Variants in RAD54L2 observed in about 807,000 individuals in gnomAD.
RAD54L2 encodes RAD54 like 2, also known as helicase ARIP4.
In RAD54L2, 27 loss-of-function variants were observed where a neutral mutation model predicts 138.4. The observed-to-expected ratio is 0.20, with a 90% CI of 0.14 to 0.27. RAD54L2 has a LOEUF of 0.27. Ranked by LOEUF, RAD54L2 falls within the 10% of genes least tolerant of loss-of-function variation. The pLI is 1.00. For missense variants in RAD54L2, 1,396 were observed against 1,890.2 expected (o/e 0.74, Z 4.85); for synonymous variants, 644 against 723.2 (o/e 0.89, Z 1.76).
At chr3:51,569,179 T>A (rs1699281201) in intron 2 of RAD54L2, among the ~76,000 whole-genome samples, 1 of 152,184 alleles carries the variant, frequency 6.6e-6, no homozygotes, top group Non-Finnish European at 1.5e-5. Context: ...TGAGAGGTCT[T>A]ATCTCTAGTG....
rs573134892 is a variant in RAD54L2, at chr3:51,579,202, G to A, written c.-54-11165G>A. Among the ~76,000 whole-genome samples the A allele has an allele frequency of 4.8e-4, 70 of 145,868 alleles. No individual in the cohort carries two copies. The Middle Eastern group carries it at 0.011, about 23-fold the overall frequency. On this transcript the variant is annotated intron_variant, in intron 2 of 22. Transcript: ENST00000684192. ...TTTTGAGACAGAGTCTCACGGTGTC[G>A]CCCAGACTGCAGTGCAGCGGTGCAG...
rs1699196581 is a variant in RAD54L2, at chr3:51,565,574, C to G, written c.-55+23924C>G. On this transcript the variant is annotated intron_variant, in intron 2 of 22. Transcript: ENST00000684192. ...TATTGCAGCCTCTGCCTCCCCAGTT[C>G]AAGCATTTCTGCCTCAGCTTCCTGA... 2.0e-5 allele frequency among the ~76,000 whole-genome samples: 3 copies of G among 152,064 alleles called. No individual in the cohort carries two copies. In the South Asian group the frequency reaches 6.2e-4, roughly 32 times the overall value.
chr3:51,577,559 T>A (rs1699506807), intron 2 of RAD54L2, among the ~76,000 whole-genome samples: 1 of 152,232 alleles, frequency 6.6e-6, no homozygotes, highest in African/African-American at 2.4e-5. Context: ...TTTAGGATAG[T>A]TAGCTCTTCT....
chr3:51,597,227 A>AGG (rs1699982100), intron 3 of RAD54L2, among the ~76,000 whole-genome samples: 6 of 151,936 alleles, frequency 3.9e-5, no homozygotes, highest in Non-Finnish European at 7.4e-5. Context: ...GAATTTTATA[A>AGG]CAAATCAAAG....
intron 19 of RAD54L2, among the ~76,000 whole-genome samples, chr3:51,647,988 G>A (rs900157915): frequency 5.9e-5 from 9 of 152,186 alleles, no homozygotes; most frequent in Non-Finnish European, 2.9e-5. Flanking sequence ...GAAGCAGGGT[G>A]GGGCATCACG....
In RAD54L2 at chr3:51,637,559, G is replaced by T; in HGVS notation, c.1682+56G>T. 6.6e-7 allele frequency: 1 copy of T among 1,517,868 alleles called. No individual in the cohort carries two copies. The highest frequency in any genetic ancestry group is 1.2e-5 in the South Asian group (1 of 80,998). The allele number at this position is 1,517,868 out of a possible 1,614,324, so 94.0% of individuals were successfully genotyped here. Reference sequence around the variant, plus strand: ...ATTTTCAGAGGGCCCTGTTGCCAAGGGCATGCCAAACCTGTTATACAGGAT... The same window carrying T: ...ATTTTCAGAGGGCCCTGTTGCCAAGTGCATGCCAAACCTGTTATACAGGAT... On this transcript the variant is annotated intron_variant, in intron 11 of 22. Coordinates refer to ENST00000684192, the MANE Select transcript of RAD54L2 (RefSeq NM_015106.4). This position sits in a 1 kb window ranked among gnomAD's most constrained non-coding sequence, Gnocchi z 5.9.
chr3:51,597,165 CAAAAA>C (rs145812228), intron 3 of RAD54L2, among the ~76,000 whole-genome samples: 2 of 49,270 alleles, frequency 4.1e-5, no homozygotes, highest in Non-Finnish European at 8.0e-5. Flanking sequence ...GACTTCATTT[CAAAAA>C]AAAAAAAAAA....
At chr3:51,573,718 G>A (rs1052344805) in intron 2 of RAD54L2, among the ~76,000 whole-genome samples, 2 of 152,102 alleles carry the variant, frequency 1.3e-5, no homozygotes, top group Non-Finnish European at 2.9e-5. Flanking sequence ...GAGCCACTGC[G>A]CCTGGCCCAA....
At chr3:51,620,724 C>T (rs1321710557) in intron 3 of RAD54L2, among the ~76,000 whole-genome samples, 1 of 152,146 alleles carries the variant, frequency 6.6e-6, no homozygotes, top group Non-Finnish European at 1.5e-5. Flanking sequence ...TTACTGCTCA[C>T]AGCTGGCTCA....
At chr3:51,616,395 A>G (rs150210225) in intron 3 of RAD54L2, among the ~76,000 whole-genome samples, 182 of 152,290 alleles carry the variant, frequency 1.2e-3, no homozygotes, top group African/African-American at 3.4e-3. Context: ...TTTCCTTCTA[A>G]GCATAACTTT....
At chr3:51,551,592 G>A (rs1310113002) in intron 2 of RAD54L2, among the ~76,000 whole-genome samples, 1 of 149,522 alleles carries the variant, frequency 6.7e-6, no homozygotes, top group African/African-American at 2.5e-5. Context: ...TGTGCCACAC[G>A]CCTGGCTAAT....
chr3:51,649,647 A>G (rs1701377801), intron 19 of RAD54L2, among the ~76,000 whole-genome samples: 1 of 152,202 alleles, frequency 6.6e-6, no homozygotes, highest in Admixed American at 6.5e-5. Flanking sequence ...AATATTCAAC[A>G]TTCTTAATGA....
At chr3:51,640,184 G>C (rs1475897219) in intron 14 of RAD54L2, among the ~76,000 whole-genome samples, 185 bp downstream of exon 14, 2 of 152,108 alleles carry the variant, frequency 1.3e-5, no homozygotes, top group Non-Finnish European at 2.9e-5. Context: ...GAACAATTTA[G>C]AACCCTAGGT....
intron 3 of RAD54L2, among the ~76,000 whole-genome samples, chr3:51,623,267 G>C (rs1700605414): frequency 6.6e-6 from 1 of 152,158 alleles, no homozygotes; most frequent in Non-Finnish European, 1.5e-5. Context: ...TGTCATTTCT[G>C]CTTCCCCCTT....
In RAD54L2 at chr3:51,583,117, C is replaced by T. The variant is rs894002421; in HGVS notation, c.-54-7250C>T. The stretch of plus-strand genomic sequence containing the variant: ...ATAAACTTACATGTTAGCAAATAAC[C>T]TTTTTAATGAAAAATATTTTCTAAA... On this transcript the variant is annotated intron_variant, in intron 2 of 22. Transcript: ENST00000684192. Among the ~76,000 whole-genome samples the T allele has an allele frequency of 3.3e-5, 5 of 152,098 alleles. No homozygotes were observed. In the East Asian group the frequency reaches 7.7e-4, roughly 23 times the overall value.
intron 1 of RAD54L2, 22 bp from the exon 2 acceptor site, chr3:51,541,565 CTA>C (rs1443718793): frequency 6.6e-6 from 1 of 152,214 alleles, no homozygotes; most frequent in Non-Finnish European, 1.5e-5. Flanking sequence ...TGCTTATCCC[CTA>C]TGTCTGGTTC....
chr3:51,659,279 G>A (rs1220643276), intron 21 of RAD54L2, among the ~76,000 whole-genome samples: 1 of 151,666 alleles, frequency 6.6e-6, no homozygotes, highest in Non-Finnish European at 1.5e-5. Context: ...CTAATTTTTT[G>A]TATTTTTAGT....
chr3:51,548,821 CT>C (rs1168106948), intron 2 of RAD54L2, among the ~76,000 whole-genome samples: 206 of 101,308 alleles, frequency 2.0e-3, no homozygotes, highest in East Asian at 2.6e-3. Context: ...AGTAACTCTG[CT>C]TTTTTTTTTT....
chr3:51,663,519 G>A lies in RAD54L2; in HGVS notation c.*99G>A. On this transcript the variant is annotated 3_prime_UTR_variant, in exon 23 of 23. Transcript: ENST00000684192. Reference sequence around the variant, plus strand: ...CCTTTTGAGAATAGGACACTTGGCAGGAGGGAAAAGGAAGAGGACAAAGGA... The same window carrying A: ...CCTTTTGAGAATAGGACACTTGGCAAGAGGGAAAAGGAAGAGGACAAAGGA... The A allele has an allele frequency of 7.5e-7, 1 of 1,339,370 alleles. No individual in the cohort carries two copies. The highest frequency in any genetic ancestry group is 1.5e-5 in the South Asian group (1 of 68,620). The allele number at this position is 1,339,370 out of a possible 1,614,324, so 83.0% of individuals were successfully genotyped here.
Sources: gnomAD v4.1 joint callset for allele counts (sites outside exome capture counted in the v4.1 genomes callset) on GRCh38, gnomAD v4.1.1 for gene constraint, Gnocchi (gnomAD v3.1) non-coding constraint, MANE v1.5 for transcripts, NCBI Gene and HGNC (gene_info 2026-07-23, HGNC 2026-07-21) for gene names.